MAP1B: variants seen among roughly 807,000 people sequenced by gnomAD.
MAP1B encodes microtubule-associated protein 1B.
A neutral mutation model predicts 176.1 loss-of-function variants in MAP1B; 12 were observed. The observed-to-expected ratio is 0.07, with a 90% CI of 0.04 to 0.11. The LOEUF is 0.11. MAP1B is among the 10% of genes least tolerant of loss of function. MAP1B has a pLI of 1.00. For missense variants in MAP1B, 2,523 were observed against 2,990.5 expected (o/e 0.84, Z 3.65); for synonymous variants, 1,044 against 1,135.0 (o/e 0.92, Z 1.61).
At chr5:72,179,994 G>T (rs746306842) in intron 2 of MAP1B, 2 of 940,342 alleles carry the variant, frequency 2.1e-6, no homozygotes, top group African/African-American at 3.5e-5. Flanking sequence ...TGGTAAGAAG[G>T]CTCCTGCCAG....
chr5:72,173,754 G>A (rs1013949347), intron 2 of MAP1B, among the ~76,000 whole-genome samples: 4 of 152,146 alleles, frequency 2.6e-5, no homozygotes, highest in South Asian at 4.1e-4. Context: ...TCTGGACCTC[G>A]TAAACACTTA....
Position 72,135,403 on chromosome 5 carries a change from CT to C in MAP1B, c.286+19611del, listed in dbSNP as rs1414127715. On this transcript the variant is annotated intron_variant, in intron 2 of 6. Transcript: ENST00000296755. ...TTGAGTGAGTAAAGGTGGTGGTTTT[CT>C]TTTTTTCTCTCTCTCTCTCATTTGT... Among the ~76,000 whole-genome samples, 6 of 152,190 alleles carry C rather than the reference CT, an allele frequency of 3.9e-5. No homozygotes were observed. In the East Asian group the frequency reaches 1.2e-3, roughly 29 times the overall value.
Position 72,199,297 on chromosome 5 carries a change from G to T in MAP1B, c.5942G>T (p.Arg1981Ile), listed in dbSNP as rs1343450153. The T allele has an allele frequency of 1.9e-6, 3 of 1,614,024 alleles. No homozygotes were observed. The highest frequency in any genetic ancestry group is 2.5e-6 in the Non-Finnish European group (3 of 1,180,042). ...AGCTATGAAAAGACTGAGAGGTCTAGAAGGCTTCTGGATGACATCAGCAAT... is the reference window on the plus strand; with the variant it reads ...AGCTATGAAAAGACTGAGAGGTCTATAAGGCTTCTGGATGACATCAGCAAT... ...GYSYEKTERS[R>I]RLLDDISNGY... is the part of the protein sequence containing the mutation. The change falls in exon 5 of 7, where the codon AGA becomes ATA. Residue 1981 changes from arginine (R) to isoleucine (I), a missense_variant. Arg to Ile is a moderately conservative substitution (Grantham distance 97). Transcript: ENST00000296755. The surrounding 1 kb of genome is among the most constrained non-coding windows in gnomAD (Gnocchi z 4.2).
rs114783786 is a variant in MAP1B at position 72,164,248 on chromosome 5, T to C, written c.287-19495T>C. Among the ~76,000 whole-genome samples, 922 of 152,226 alleles carry C rather than the reference T, an allele frequency of 6.1e-3. 15 individuals are homozygous for C. Among genetic ancestry groups the C allele is most frequent in the African/African-American group, 0.021 (856 of 41,538 alleles). The stretch of plus-strand genomic sequence containing the variant: ...GCCCAGCCTGCTATAAGACTTCTAA[T>C]TGGACTGCATCATTTCATCCCAGAG... On this transcript the variant is annotated intron_variant, in intron 2 of 6. Coordinates refer to ENST00000296755, the MANE Select transcript of MAP1B (RefSeq NM_005909.5).
At chr5:72,184,278 G>T (rs945367358) in intron 3 of MAP1B, among the ~76,000 whole-genome samples, 5 of 152,174 alleles carry the variant, frequency 3.3e-5, no homozygotes, top group African/African-American at 9.7e-5. Flanking sequence ...CTGTGGAAAG[G>T]CAGGCTAGCA....
intron 4 of MAP1B, among the ~76,000 whole-genome samples, chr5:72,188,098 T>C (rs971483966): frequency 4.6e-5 from 7 of 152,204 alleles, no homozygotes; most frequent in African/African-American, 1.7e-4. Context: ...CGGTATCCAT[T>C]GCACCTGCAC....
At chr5:72,179,985 G>A (rs1746732178) in intron 2 of MAP1B, 1 of 962,248 alleles carries the variant, frequency 1.0e-6, no homozygotes, top group African/African-American at 1.8e-5. Flanking sequence ...GCCGGTGGAT[G>A]GTAAGAAGGC....
chr5:72,199,396 T>C lies in MAP1B; in HGVS notation c.6041T>C (p.Ile2014Thr). The C allele has an allele frequency of 6.2e-7, 1 of 1,613,836 alleles. No homozygotes were observed. ...TACTCTTATGAAACCACTGAGAAAA[T>C]TACCAGTTTCCCTGAGTCTGAAGGT... ...PSYSYETTEK[I>T]TSFPESEGYS... The change falls in exon 5 of 7, where the codon ATT becomes ACT. Residue 2014 changes from isoleucine (I) to threonine (T), a missense_variant. Ile to Thr is a moderately conservative substitution (Grantham distance 89). Around this residue, in one of 4 missense-constraint regions of MAP1B, gnomAD observed 1,925 missense variants for 2,126.0 expected, o/e 0.91. Coordinates refer to ENST00000296755, the MANE Select transcript of MAP1B (RefSeq NM_005909.5). This position sits in a 1 kb window ranked among gnomAD's most constrained non-coding sequence, Gnocchi z 4.2.
At position 72,194,038 on chromosome 5, in the gene MAP1B, A is replaced by C; in HGVS notation, c.683A>C (p.Glu228Ala). The C allele has an allele frequency of 6.2e-7, 1 of 1,614,160 alleles. No individual in the cohort carries two copies. Among genetic ancestry groups the C allele is most frequent in the South Asian group, 1.1e-5 (1 of 91,080 alleles). Reference protein sequence around the residue: ...SILPEMEGLSEFTEYLSESVE... With the variant: ...SILPEMEGLSAFTEYLSESVE... ...TTGCCAGAAATGGAAGGACTTTCTG[A>C]GTTTACCGAGTATCTCTCAGAATCA... Residue 228 changes from glutamate (E) to alanine (A), a missense_variant, in exon 5 of 7, where the codon GAG (glutamate) becomes GCG (alanine). Coordinates refer to ENST00000296755, the MANE Select transcript of MAP1B (RefSeq NM_005909.5). The surrounding 1 kb of genome is among the most constrained non-coding windows in gnomAD (Gnocchi z 7.2).
Position 72,124,460 on chromosome 5 carries a change from A to C in MAP1B, c.286+8661A>C, listed in dbSNP as rs181733774. ...CAACAAGAGCGTCTACATGTGATTTAAAAATAAAAGTAAGTAATTAGGAAT... is the reference window on the plus strand; with the variant it reads ...CAACAAGAGCGTCTACATGTGATTTCAAAATAAAAGTAAGTAATTAGGAAT... On this transcript the variant is annotated intron_variant, in intron 2 of 6. Coordinates refer to ENST00000296755, the MANE Select transcript of MAP1B (RefSeq NM_005909.5). Among the ~76,000 whole-genome samples the C allele has an allele frequency of 2.1e-3, 323 of 152,378 alleles. 3 individuals are homozygous for C. The highest frequency in any genetic ancestry group is 6.8e-3 in the African/African-American group (284 of 41,592).
intron 2 of MAP1B, among the ~76,000 whole-genome samples, chr5:72,117,838 T>A (rs1745461536): frequency 6.6e-6 from 1 of 152,208 alleles, no homozygotes; most frequent in African/African-American, 2.4e-5. Flanking sequence ...GAATTAAGCA[T>A]CTAGAATAGA....
Position 72,141,028 on chromosome 5 carries a change from C to G in MAP1B, c.286+25229C>G, listed in dbSNP as rs193207276. On this transcript the variant is annotated intron_variant, in intron 2 of 6. Coordinates refer to ENST00000296755, the MANE Select transcript of MAP1B (RefSeq NM_005909.5). ...CCCATGGATACCCACCAGCCTCCCA[C>G]GTTCACACGACTCCATCTGCTTTTT... is the stretch of plus-strand genomic sequence containing the variant. Among the ~76,000 whole-genome samples the G allele has an allele frequency of 4.4e-3, 675 of 152,314 alleles. 4 individuals carry two copies. Among genetic ancestry groups the G allele is most frequent in the African/African-American group, 0.015 (632 of 41,566 alleles).
chr5:72,153,089 C>T (rs553735354), intron 2 of MAP1B, among the ~76,000 whole-genome samples: 3 of 152,178 alleles, frequency 2.0e-5, no homozygotes, highest in Admixed American at 6.5e-5. Context: ...CTATAAATTC[C>T]GACCCGACTA....
At chr5:72,116,929 T>A (rs1013750427) in intron 2 of MAP1B, among the ~76,000 whole-genome samples, 23 of 152,286 alleles carry the variant, frequency 1.5e-4, no homozygotes, top group African/African-American at 5.3e-4. Flanking sequence ...CCTTCGTGAA[T>A]CACATTTGGC....
intron 2 of MAP1B, among the ~76,000 whole-genome samples, chr5:72,179,356 C>A (rs1430364225): frequency 6.6e-6 from 1 of 152,178 alleles, no homozygotes; most frequent in Non-Finnish European, 1.5e-5. Context: ...ATGCGGACTA[C>A]AATGGTGGAG....
intron 2 of MAP1B, among the ~76,000 whole-genome samples, chr5:72,118,563 A>C (rs1217983158): frequency 6.6e-6 from 1 of 151,918 alleles, no homozygotes; most frequent in African/African-American, 2.4e-5. Context: ...ACCAACATAA[A>C]ATCTAGCCCC....
At chr5:72,113,445 AT>A (rs1300753676) in intron 1 of MAP1B, among the ~76,000 whole-genome samples, 1 of 152,230 alleles carries the variant, frequency 6.6e-6, no homozygotes, top group African/African-American at 2.4e-5. Context: ...TACTTTTTCT[AT>A]TGCTAAATTA....
At position 72,186,586 on chromosome 5, in the gene MAP1B, AG is replaced by A. The variant is rs777973172; in HGVS notation, c.370-25del. 1.9e-6 allele frequency: 3 copies of A among 1,611,712 alleles called. No individual in the cohort carries two copies. The South Asian group carries it at 3.3e-5, about 18-fold the overall frequency. ...GGGATGGCAGCACTGCCCATGGCTC[AG>A]GGCCTACGTTCTGTGCTTTATTTCA... is the stretch of plus-strand genomic sequence containing the variant. On this transcript the variant is annotated intron_variant, in intron 3 of 6. Coordinates refer to ENST00000296755, the MANE Select transcript of MAP1B (RefSeq NM_005909.5). This position sits in a 1 kb window ranked among gnomAD's most constrained non-coding sequence, Gnocchi z 4.3.
At chr5:72,134,566 C>T (rs1745796851) in intron 2 of MAP1B, among the ~76,000 whole-genome samples, 1 of 151,898 alleles carries the variant, frequency 6.6e-6, no homozygotes. Flanking sequence ...GTTGTCTTAC[C>T]ACATAGGAGA....
Sources: allele counts gnomAD v4.1 joint callset (sites outside exome capture counted in the v4.1 genomes callset), GRCh38; gene constraint gnomAD v4.1.1; regional missense constraint gnomAD v4.1.1; non-coding constraint Gnocchi (gnomAD v3.1); transcripts MANE v1.5; gene names NCBI Gene and HGNC (gene_info 2026-07-23, HGNC 2026-07-21).